Variants in HADH observed in about 807,000 individuals in gnomAD.
HADH encodes hydroxyacyl-coenzyme A dehydrogenase, mitochondrial.
HADH carries 24 observed loss-of-function variants against 32.2 expected under a neutral mutation model. The ratio of observed to expected loss-of-function variants is 0.75; its 90% confidence interval spans 0.54 to 1.05. The LOEUF (loss-of-function observed/expected upper bound fraction) is 1.05. HADH is among the 50% of genes least tolerant of loss of function. The probability of loss-of-function intolerance (pLI) is 0.00; values close to 1 mark genes in which losing one functional copy is unlikely to be tolerated. For missense variants in HADH, 350 were observed against 397.1 expected (o/e 0.88, Z 1.01); for synonymous variants, 139 against 152.5 (o/e 0.91, Z 0.65).
At chr4:108,002,468 G>A (rs1208463568) in intron 1 of HADH, among the ~76,000 whole-genome samples, 1 of 152,136 alleles carries the variant, frequency 6.6e-6, no homozygotes, top group Non-Finnish European at 1.5e-5. Context: ...CAAGCTCAGA[G>A]CTCCCACTAA....
intron 2 of HADH, among the ~76,000 whole-genome samples, chr4:108,013,068 G>A (rs1735557164): frequency 6.6e-6 from 1 of 152,220 alleles, no homozygotes; most frequent in Non-Finnish European, 1.5e-5. Flanking sequence ...GAGTAGCTGG[G>A]ACTGCAGGCG....
intron 4 of HADH, among the ~76,000 whole-genome samples, chr4:108,020,343 G>A (rs993292254): frequency 6.6e-6 from 1 of 152,164 alleles, no homozygotes; most frequent in African/African-American, 2.4e-5. Flanking sequence ...TTTGGTGCAC[G>A]CATGTAGTCT....
intron 1 of HADH, chr4:108,004,544 A>G: frequency 3.5e-6 from 3 of 852,968 alleles, no homozygotes; most frequent in Non-Finnish European, 5.1e-6. Flanking sequence ...TTCTGTTTGT[A>G]GCCTCAAATC....
At chr4:108,013,291 G>A (rs993673191) in intron 2 of HADH, among the ~76,000 whole-genome samples, 7 of 152,176 alleles carry the variant, frequency 4.6e-5, no homozygotes, top group African/African-American at 1.7e-4. Context: ...TATGAGGAGG[G>A]TCCAGACAGA....
intron 1 of HADH, 21 bp downstream of exon 1, chr4:107,990,085 C>A: frequency 6.3e-7 from 1 of 1,594,658 alleles, no homozygotes; most frequent in South Asian, 1.1e-5. Flanking sequence ...CTCCCTGCAG[C>A]GTGCCCACGC....
At chr4:108,013,148 G>A (rs1377338519) in intron 2 of HADH, among the ~76,000 whole-genome samples, 2 of 152,200 alleles carry the variant, frequency 1.3e-5, no homozygotes, top group African/African-American at 4.8e-5. Flanking sequence ...ATCCCGGATG[G>A]TCTCGATCTC....
At chr4:108,020,116 G>C (rs1735834063) in intron 4 of HADH, among the ~76,000 whole-genome samples, 1 of 152,160 alleles carries the variant, frequency 6.6e-6, no homozygotes, top group Non-Finnish European at 1.5e-5. Context: ...CCCATGTAAT[G>C]GTGCCTTAGC....
At chr4:108,022,086 T>G (rs965820179) in intron 4 of HADH, among the ~76,000 whole-genome samples, 1 of 152,020 alleles carries the variant, frequency 6.6e-6, no homozygotes, top group Non-Finnish European at 1.5e-5. Flanking sequence ...GGCAGTTGCC[T>G]AAGATCCCAT....
intron 6 of HADH, chr4:108,032,754 G>A (rs953810736): frequency 4.0e-5 from 13 of 326,266 alleles, no homozygotes; most frequent in African/African-American, 6.4e-5. Context: ...AAGCTGAGAC[G>A]GGAGGATCAC....
At chr4:108,000,401 G>T (rs1235236232) in intron 1 of HADH, among the ~76,000 whole-genome samples, 1 of 152,168 alleles carries the variant, frequency 6.6e-6, no homozygotes, top group African/African-American at 2.4e-5. Flanking sequence ...CTATGCTCTG[G>T]TTGGTTAATA....
At chr4:108,017,465 A>G (rs557437181) in intron 3 of HADH, among the ~76,000 whole-genome samples, 1 of 152,324 alleles carries the variant, frequency 6.6e-6, no homozygotes, top group East Asian at 1.9e-4. Context: ...AGAACATTTA[A>G]GAGAAAAGTA....
intron 5 of HADH, chr4:108,024,892 C>T (rs1736009690): frequency 6.6e-6 from 1 of 152,226 alleles, no homozygotes; most frequent in Non-Finnish European, 1.5e-5. Flanking sequence ...ACTCTTTGTT[C>T]TCATTAAATT....
chr4:107,994,059 C>T (rs1178048030), intron 1 of HADH, among the ~76,000 whole-genome samples: 1 of 152,136 alleles, frequency 6.6e-6, no homozygotes, highest in African/African-American at 2.4e-5. Context: ...CATTAGATTA[C>T]TTGTGAGGAG....
rs143686483 is a variant in HADH at position 108,006,225 on chromosome 4, G to A, written c.133-3534G>A. Among the ~76,000 whole-genome samples, 570 of 152,220 alleles carry A rather than the reference G, an allele frequency of 3.7e-3. 2 individuals are homozygous for A. Among genetic ancestry groups the A allele is most frequent in the African/African-American group, 0.013 (533 of 41,540 alleles). On this transcript the variant is annotated intron_variant, in intron 1 of 7. Coordinates refer to ENST00000309522, the MANE Select transcript of HADH (RefSeq NM_005327.7). The stretch of plus-strand genomic sequence containing the variant: ...TTCCCAAAAGTGTCTTCAGCATAGC[G>A]TCTGGAACTTTCAGAGAGCAACAGG...
Position 108,009,608 on chromosome 4 carries a change from G to C in HADH, c.133-151G>C, listed in dbSNP as rs138959196. The stretch of plus-strand genomic sequence containing the variant: ...AAGAAGTGTGTGTTTAGTTAATGTT[G>C]ACTTATCATATGTTCACTCGGTATT... On this transcript the variant is annotated intron_variant, in intron 1 of 7. Transcript: ENST00000309522. 14 of 698,494 alleles carry C rather than the reference G, an allele frequency of 2.0e-5. No homozygotes were observed. In the African/African-American group the frequency reaches 2.5e-4, roughly 12 times the overall value. 43.3% of individuals were successfully genotyped at this position (698,494 alleles called of 1,614,324 possible).
chr4:107,991,957 A>G (rs892487443), intron 1 of HADH, among the ~76,000 whole-genome samples: 11 of 152,198 alleles, frequency 7.2e-5, no homozygotes, highest in African/African-American at 2.7e-4. Context: ...CGTCACTTCA[A>G]CTTTTGTAGA....
intron 4 of HADH, among the ~76,000 whole-genome samples, chr4:108,022,225 ATAGTT>A (rs1735915391): frequency 7.0e-6 from 1 of 143,668 alleles, no homozygotes; most frequent in Non-Finnish European, 1.5e-5. Flanking sequence ...GTGTGTGTGT[ATAGTT>A]GAATGAATGA....
intron 1 of HADH, among the ~76,000 whole-genome samples, chr4:107,998,257 A>G (rs1183438991): frequency 6.6e-6 from 1 of 152,000 alleles, no homozygotes; most frequent in African/African-American, 2.4e-5. Context: ...GATCTTGGGG[A>G]GTAGGCTTAC....
intron 6 of HADH, chr4:108,029,166 C>T (rs997177566): frequency 5.7e-5 from 19 of 333,802 alleles, no homozygotes; most frequent in Non-Finnish European, 7.0e-5. Flanking sequence ...TTACCATGTC[C>T]CCCCGCCCAC....
Sources: allele counts gnomAD v4.1 joint callset (sites outside exome capture counted in the v4.1 genomes callset), GRCh38; gene constraint gnomAD v4.1.1; transcripts MANE v1.5; gene names NCBI Gene and HGNC (gene_info 2026-07-23, HGNC 2026-07-21).